ETNK1: variants seen among roughly 807,000 people sequenced by gnomAD.
ETNK1 encodes the protein putative protein product of Nbla10396.
In ETNK1, 8 loss-of-function variants were observed where a neutral mutation model predicts 45.1. The observed-to-expected ratio is 0.18, with a 90% CI of 0.10 to 0.32. The LOEUF (loss-of-function observed/expected upper bound fraction) is 0.32. Among genes scored for constraint, ETNK1 ranks in the 10% least tolerant of loss-of-function variants. The pLI, the probability that ETNK1 is intolerant of heterozygous loss-of-function variation, is 1.00. For missense variants in ETNK1, 302 were observed against 430.6 expected, an observed-to-expected ratio of 0.70 and a Z score of 2.64; for synonymous variants, 152 against 151.9, an observed-to-expected ratio of 1.00 and a Z score of -0.01.
intron 2 of ETNK1, chr12:22,656,649 T>C (rs183167520): frequency 8.1e-4 from 802 of 985,382 alleles, no homozygotes; most frequent in Middle Eastern, 4.2e-3. Flanking sequence ...CGAGAAGTCA[T>C]GGAGTTCTGA....
chr12:22,662,617 T>C (rs1659268853), intron 4 of ETNK1, among the ~76,000 whole-genome samples: 1 of 151,964 alleles, frequency 6.6e-6, no homozygotes, highest in South Asian at 2.1e-4. Flanking sequence ...AGGCTGGTTT[T>C]GAATTTGTGG....
At chr12:22,628,006 G>A (rs1341227369) in intron 1 of ETNK1, among the ~76,000 whole-genome samples, 1 of 152,044 alleles carries the variant, frequency 6.6e-6, no homozygotes, top group Admixed American at 6.5e-5. Context: ...CAGAATTCCT[G>A]TTCTTACTAG....
At chr12:22,667,834 TTTTTAG>T (rs1954068977) in intron 4 of ETNK1, among the ~76,000 whole-genome samples, 1 of 152,184 alleles carries the variant, frequency 6.6e-6, no homozygotes, top group South Asian at 2.1e-4. Context: ...ACATTATTAT[TTTTTAG>T]TTTTAAAGTA....
rs1333743817 is a variant in ETNK1 at position 22,688,696 on chromosome 12, G to A, written c.*3742G>A. 6.6e-6 allele frequency: 1 copy of A among 152,324 alleles called. No individual in the cohort carries two copies. The highest frequency in any genetic ancestry group is 2.4e-5 in the African/African-American group (1 of 41,434). 9.4% of individuals were successfully genotyped at this position (152,324 alleles called of 1,614,324 possible). A position where few individuals can be genotyped will look rare whatever the true frequency, so the allele number is the denominator to read the frequency against. ...TTGACAGTAACCTGTGCGACTTTAT[G>A]CAGAAGACAAATGCTAGTAATTATT... On this transcript the variant is annotated 3_prime_UTR_variant, in exon 8 of 8. Transcript: ENST00000266517.
intron 1 of ETNK1, 104 bp downstream of exon 1, chr12:22,625,690 G>A (rs542152200): frequency 3.2e-4 from 466 of 1,466,622 alleles, no homozygotes; most frequent in Non-Finnish European, 3.9e-4. Flanking sequence ...AGGACCTAGG[G>A]CAACATCTCC....
At chr12:22,672,382 A>G (rs1954118054) in intron 5 of ETNK1, among the ~76,000 whole-genome samples, 1 of 151,982 alleles carries the variant, frequency 6.6e-6, no homozygotes, top group African/African-American at 2.4e-5. Flanking sequence ...TTATATATTT[A>G]TATATTTTTA....
rs144899534 is a variant in ETNK1, at chr12:22,660,359, A to G, written c.558-704A>G. On this transcript the variant is annotated intron_variant, in intron 3 of 7. Coordinates refer to ENST00000266517, the MANE Select transcript of ETNK1 (RefSeq NM_018638.5). The stretch of plus-strand genomic sequence containing the variant: ...TTGAGGAATTAGTGGTAGTAGCCCA[A>G]TTTTGTTTCCTTGATTTTTTAATCA... Among the ~76,000 whole-genome samples, 841 of 152,246 alleles carry G rather than the reference A, an allele frequency of 5.5e-3. 5 individuals are homozygous for G. The highest frequency in any genetic ancestry group is 0.019 in the African/African-American group (799 of 41,548).
chr12:22,647,170 A>G (rs1257204136), intron 2 of ETNK1, among the ~76,000 whole-genome samples: 1 of 151,888 alleles, frequency 6.6e-6, no homozygotes, highest in Admixed American at 6.6e-5. Context: ...TTAAAATTCA[A>G]AAGTGTTTAG....
chr12:22,664,961 C>G (rs1954040065), intron 4 of ETNK1, among the ~76,000 whole-genome samples: 1 of 152,080 alleles, frequency 6.6e-6, no homozygotes, highest in Non-Finnish European at 1.5e-5. Context: ...TTTAGGCAAA[C>G]TTCTTAAATT....
intron 1 of ETNK1, among the ~76,000 whole-genome samples, chr12:22,634,705 C>A (rs559290448): frequency 6.6e-6 from 1 of 152,150 alleles, no homozygotes; most frequent in Admixed American, 6.5e-5. Flanking sequence ...CCATGCCCGG[C>A]TAATTTTTGT....
At position 22,688,443 on chromosome 12, in the gene ETNK1, C is replaced by T. The variant is rs909280792; in HGVS notation, c.*3489C>T. 2.6e-5 allele frequency: 4 copies of T among 151,860 alleles called. No individual in the cohort carries two copies. The highest frequency in any genetic ancestry group is 2.0e-4 in the Admixed American group (3 of 15,252). The allele number at this position is 151,860 out of a possible 1,614,324, so 9.4% of individuals were successfully genotyped here. ...CCACTCTCAATTAAAAGTTAGAACC[C>T]TCCACTTTTAAAATTATACAAATAT... On this transcript the variant is annotated 3_prime_UTR_variant, in exon 8 of 8. Coordinates refer to ENST00000266517, the MANE Select transcript of ETNK1 (RefSeq NM_018638.5).
chr12:22,634,680 G>A (rs1352279323), intron 1 of ETNK1, among the ~76,000 whole-genome samples: 1 of 151,912 alleles, frequency 6.6e-6, no homozygotes, highest in Non-Finnish European at 1.5e-5. Context: ...CTACAGCCTC[G>A]ACCATGTGCT....
At chr12:22,677,404 T>G (rs1453140801) in intron 6 of ETNK1, among the ~76,000 whole-genome samples, 1 of 152,218 alleles carries the variant, frequency 6.6e-6, no homozygotes, top group African/African-American at 2.4e-5. Context: ...GCTGTTTTGA[T>G]TACTGTAGCC....
chr12:22,646,593 A>C (rs1240114741), intron 2 of ETNK1, among the ~76,000 whole-genome samples: 3 of 151,874 alleles, frequency 2.0e-5, no homozygotes, highest in Non-Finnish European at 3.0e-5. Context: ...TAAACTTTTA[A>C]GACACTATTG....
intron 1 of ETNK1, 143 bp downstream of exon 1, chr12:22,625,729 T>C (rs1953484888): frequency 8.2e-7 from 1 of 1,223,758 alleles, no homozygotes; most frequent in African/African-American, 1.5e-5. Flanking sequence ...GACCCTGTAT[T>C]TCCCCTCACA....
At chr12:22,640,549 T>C (rs1485140986) in intron 1 of ETNK1, among the ~76,000 whole-genome samples, 1 of 152,174 alleles carries the variant, frequency 6.6e-6, no homozygotes, top group Non-Finnish European at 1.5e-5. Context: ...ATTATTATTT[T>C]ATAATTTCAT....
At position 22,678,511 on chromosome 12, in the gene ETNK1, T is replaced by TA. The variant is rs374971200; in HGVS notation, c.945+4852dup. Among the ~76,000 whole-genome samples, 16 of 152,334 alleles carry TA rather than the reference T, an allele frequency of 1.1e-4. 1 individual carries two copies. Among genetic ancestry groups the TA allele is most frequent in the African/African-American group, 3.8e-4 (16 of 41,578 alleles). ...GTCTGGTTTCATGAATTACACACTT[T>TA]ATTGCCATACAAAGATAGTTTTTTC... On this transcript the variant is annotated intron_variant, in intron 6 of 7. Coordinates refer to ENST00000266517, the MANE Select transcript of ETNK1 (RefSeq NM_018638.5).
intron 4 of ETNK1, chr12:22,670,985 ATTTTGC>A (rs1954101901): frequency 3.4e-6 from 1 of 293,902 alleles, no homozygotes; most frequent in Non-Finnish European, 6.2e-6. Flanking sequence ...CAAAGGATTT[ATTTTGC>A]TTTTGCTTAA....
chr12:22,659,323 G>C (rs982487622), intron 3 of ETNK1, among the ~76,000 whole-genome samples, 169 bp downstream of exon 3: 2 of 152,240 alleles, frequency 1.3e-5, no homozygotes, highest in East Asian at 3.9e-4. Flanking sequence ...AGAAATAACT[G>C]CCTCTCCATC....
Sources: allele counts gnomAD v4.1 joint callset (sites outside exome capture counted in the v4.1 genomes callset), GRCh38; gene constraint gnomAD v4.1.1; transcripts MANE v1.5; gene names NCBI Gene and HGNC (gene_info 2026-07-23, HGNC 2026-07-21).